LHFPL3: variants seen among roughly 807,000 people sequenced by gnomAD.
The protein encoded by LHFPL3 is LHFPL tetraspan subfamily member 3 protein.
A neutral mutation model predicts 19.3 loss-of-function variants in LHFPL3; 5 were observed. That is an observed-to-expected ratio of 0.26 (90% CI 0.14 to 0.54). The LOEUF is 0.54. LHFPL3 is among the 20% of genes least tolerant of loss of function. LHFPL3 has a pLI of 0.94. For synonymous variants in LHFPL3, 133 were observed against 126.2 expected (o/e 1.05, Z -0.36); for missense variants, 249 against 307.4 (o/e 0.81, Z 1.42).
chr7:104,837,085 A>G (rs146841088), intron 2 of LHFPL3, among the ~76,000 whole-genome samples: 1 of 152,220 alleles, frequency 6.6e-6, no homozygotes, highest in Non-Finnish European at 1.5e-5. Context: ...ATCTGGCTTC[A>G]TATCTGCCAC....
In LHFPL3 at chr7:104,442,546, T is replaced by G. The variant is rs529906524; in HGVS notation, c.445+113322T>G. On this transcript the variant is annotated intron_variant, in intron 1 of 2. Transcript: ENST00000424859. ...TGCTAAAGCTTTGTCAACTATTATC[T>G]TTTCATGTAGCAAGTTATATTTAGG... Among the ~76,000 whole-genome samples the G allele has an allele frequency of 2.8e-4, 43 of 152,320 alleles. 1 individual carries two copies. The highest frequency in any genetic ancestry group is 4.6e-4 in the Admixed American group (7 of 15,300).
chr7:104,396,024 C>T (rs188889764), intron 1 of LHFPL3, among the ~76,000 whole-genome samples: 36 of 152,104 alleles, frequency 2.4e-4, no homozygotes, highest in Non-Finnish European at 4.1e-4. Context: ...GAGGGAAGGA[C>T]GCTTTGGAAG....
chr7:104,828,327 C>T (rs1272487314), intron 2 of LHFPL3, among the ~76,000 whole-genome samples: 1 of 151,926 alleles, frequency 6.6e-6, no homozygotes, highest in Non-Finnish European at 1.5e-5. Context: ...TTCCCCAGGC[C>T]AGCAGGAGGA....
chr7:104,869,580 G>C (rs1791793427), intron 2 of LHFPL3, among the ~76,000 whole-genome samples: 3 of 152,122 alleles, frequency 2.0e-5, no homozygotes, highest in Admixed American at 2.0e-4. Flanking sequence ...TCATTAAAAA[G>C]TCAGGAAACA....
At chr7:104,435,011 T>A (rs1378631852) in intron 1 of LHFPL3, among the ~76,000 whole-genome samples, 1 of 152,204 alleles carries the variant, frequency 6.6e-6, no homozygotes, top group African/African-American at 2.4e-5. Flanking sequence ...GCATCTGGAA[T>A]GCATCTTTTT....
intron 2 of LHFPL3, among the ~76,000 whole-genome samples, chr7:104,744,385 T>G (rs998147978): frequency 1.3e-5 from 2 of 152,226 alleles, no homozygotes; most frequent in Admixed American, 6.5e-5. Context: ...ATTAAAACTT[T>G]CATAAGGTCA....
chr7:104,539,648 C>G (rs974169087), intron 1 of LHFPL3, among the ~76,000 whole-genome samples: 6 of 152,088 alleles, frequency 3.9e-5, no homozygotes, highest in Admixed American at 2.6e-4. Context: ...TTCCCAAATG[C>G]TGGTCCATAA....
rs1201691117 is a variant in LHFPL3, at chr7:104,351,475, T to C, written c.445+22251T>C. Among the ~76,000 whole-genome samples, 4 of 152,204 alleles carry C rather than the reference T, an allele frequency of 2.6e-5. No homozygotes were observed. In the East Asian group the frequency reaches 7.7e-4, roughly 29 times the overall value. On this transcript the variant is annotated intron_variant, in intron 1 of 2. Coordinates refer to ENST00000424859, the MANE Select transcript of LHFPL3 (RefSeq NM_199000.3). Reference sequence around the variant, plus strand: ...CATATTGTTTGAAAAGTTTTTCTACTTTTCATGGGCTCCTTCCTCCAATAA... The same window carrying C: ...CATATTGTTTGAAAAGTTTTTCTACCTTTCATGGGCTCCTTCCTCCAATAA...
intron 2 of LHFPL3, among the ~76,000 whole-genome samples, chr7:104,811,950 A>G (rs976795655): frequency 6.6e-6 from 1 of 152,260 alleles, no homozygotes; most frequent in Non-Finnish European, 1.5e-5. Context: ...AACAAAAAAG[A>G]TTTAAAATAT....
intron 2 of LHFPL3, among the ~76,000 whole-genome samples, chr7:104,834,565 G>A (rs1791054836): frequency 6.6e-6 from 1 of 152,004 alleles, no homozygotes; most frequent in Non-Finnish European, 1.5e-5. Context: ...GGCAAGTTCA[G>A]CTGCTGAAGT....
At chr7:104,713,141 G>A (rs966684047) in intron 1 of LHFPL3, among the ~76,000 whole-genome samples, 4 of 152,224 alleles carry the variant, frequency 2.6e-5, no homozygotes, top group Non-Finnish European at 4.4e-5. Context: ...GCCATATGTT[G>A]ATCTACAACA....
At chr7:104,796,177 A>G (rs1189878980) in intron 2 of LHFPL3, among the ~76,000 whole-genome samples, 2 of 152,220 alleles carry the variant, frequency 1.3e-5, no homozygotes, top group Admixed American at 6.5e-5. Flanking sequence ...TCCTGAAGTC[A>G]CAACGCTCCT....
At chr7:104,558,754 C>A (rs1789919424) in intron 1 of LHFPL3, among the ~76,000 whole-genome samples, 1 of 148,924 alleles carries the variant, frequency 6.7e-6, no homozygotes, top group South Asian at 2.1e-4. Context: ...AGTCCTTGCC[C>A]ATGCCTATGT....
At chr7:104,461,067 T>C (rs1401387885) in intron 1 of LHFPL3, among the ~76,000 whole-genome samples, 4 of 152,216 alleles carry the variant, frequency 2.6e-5, no homozygotes, top group Non-Finnish European at 5.9e-5. Flanking sequence ...AGAGGTTTAA[T>C]TGACTCACAG....
chr7:104,880,409 ATC>A (rs1792025432), intron 2 of LHFPL3, among the ~76,000 whole-genome samples: 1 of 152,048 alleles, frequency 6.6e-6, no homozygotes, highest in South Asian at 2.1e-4. Flanking sequence ...AGCCAAATAA[ATC>A]TCTTTCTGCA....
chr7:104,876,999 C>T (rs1428081399), intron 2 of LHFPL3, among the ~76,000 whole-genome samples: 1 of 152,052 alleles, frequency 6.6e-6, no homozygotes, highest in Non-Finnish European at 1.5e-5. Context: ...AGCTGGAAAC[C>T]ATCATTCTCA....
chr7:104,866,876 C>G (rs1407668271), intron 2 of LHFPL3, among the ~76,000 whole-genome samples: 1 of 152,202 alleles, frequency 6.6e-6, no homozygotes, highest in Admixed American at 6.5e-5. Flanking sequence ...AATAAACTGT[C>G]TCTCAGACCA....
intron 2 of LHFPL3, among the ~76,000 whole-genome samples, chr7:104,829,980 T>C (rs1790919226): frequency 6.6e-6 from 1 of 151,964 alleles, no homozygotes; most frequent in Non-Finnish European, 1.5e-5. Context: ...CTCCACATCC[T>C]CTCCAGCACC....
intron 2 of LHFPL3, among the ~76,000 whole-genome samples, chr7:104,866,661 G>A (rs1044920685): frequency 6.6e-6 from 1 of 152,198 alleles, no homozygotes; most frequent in Non-Finnish European, 1.5e-5. Flanking sequence ...ACATTAGACA[G>A]ATCAATGAGA....
Sources: gnomAD v4.1 joint callset for allele counts (sites outside exome capture counted in the v4.1 genomes callset) on GRCh38, gnomAD v4.1.1 for gene constraint, MANE v1.5 for transcripts, NCBI Gene and HGNC (gene_info 2026-07-23, HGNC 2026-07-21) for gene names.